Variants in PALM2AKAP2 observed in about 807,000 individuals in gnomAD.
The protein encoded by PALM2AKAP2 is PALM2 and AKAP2 fusion, also known as PALM2-AKAP2 fusion protein.
A neutral mutation model predicts 71.5 loss-of-function variants in PALM2AKAP2; 37 were observed. That is an observed-to-expected ratio of 0.52 (90% CI 0.40 to 0.68). The LOEUF is 0.68. Among genes scored for constraint, PALM2AKAP2 ranks in the 30% least tolerant of loss-of-function variants. The probability of loss-of-function intolerance (pLI) is 0.00; values close to 1 mark genes in which losing one functional copy is unlikely to be tolerated. For synonymous variants in PALM2AKAP2, 468 were observed against 478.8 expected, an observed-to-expected ratio of 0.98 and a Z score of 0.29; for missense variants, 1,224 against 1,191.8, an observed-to-expected ratio of 1.03 and a Z score of -0.40.
At chr9:109,819,152 A>C (rs1206143355) in intron 1 of PALM2AKAP2, among the ~76,000 whole-genome samples, 1 of 152,242 alleles carries the variant, frequency 6.6e-6, no homozygotes, top group Non-Finnish European at 1.5e-5. Flanking sequence ...TCTTATAAGA[A>C]AAATTATTTT....
At chr9:109,745,310 C>T (rs768945852) in intron 1 of PALM2AKAP2, among the ~76,000 whole-genome samples, 5 of 152,068 alleles carry the variant, frequency 3.3e-5, no homozygotes, top group Non-Finnish European at 7.4e-5. Context: ...TGAGGTCGTG[C>T]CACTGCACTC....
chr9:109,984,050 T>TA (rs1440314885), intron 6 of PALM2AKAP2, among the ~76,000 whole-genome samples: 1 of 152,192 alleles, frequency 6.6e-6, no homozygotes, highest in African/African-American at 2.4e-5. Flanking sequence ...GATGAGATGC[T>TA]AAAAACTTAC....
chr9:110,146,139 C>T (rs189741143), intron 2 of PALM2AKAP2, among the ~76,000 whole-genome samples: 5 of 152,076 alleles, frequency 3.3e-5, no homozygotes, highest in African/African-American at 9.6e-5. Context: ...ACCTTGTTAT[C>T]CACCTGCCTC....
intron 6 of PALM2AKAP2, among the ~76,000 whole-genome samples, chr9:109,936,070 G>A (rs972484050): frequency 6.6e-6 from 1 of 151,746 alleles, no homozygotes; most frequent in African/African-American, 2.4e-5. Flanking sequence ...TTTGATCACT[G>A]TTTTTTTTGG....
chr9:109,691,207 GCACA>G (rs1827879838), intron 1 of PALM2AKAP2, among the ~76,000 whole-genome samples: 2 of 91,546 alleles, frequency 2.2e-5, no homozygotes, highest in African/African-American at 8.4e-5. Context: ...ACACACACAT[GCACA>G]CACAGCTTCA....
intron 4 of PALM2AKAP2, among the ~76,000 whole-genome samples, chr9:109,924,115 A>G (rs1830898105): frequency 6.6e-6 from 1 of 152,210 alleles, no homozygotes; most frequent in East Asian, 1.9e-4. Context: ...CGGATCCCTG[A>G]TATGCCTTGT....
At chr9:110,012,558 C>T (rs1832903847) in intron 6 of PALM2AKAP2, among the ~76,000 whole-genome samples, 3 of 151,794 alleles carry the variant, frequency 2.0e-5, no homozygotes, top group Admixed American at 1.3e-4. Flanking sequence ...TTCTTACAAA[C>T]TTATCATCAG....
At chr9:109,860,763 C>T (rs554927536) in intron 1 of PALM2AKAP2, among the ~76,000 whole-genome samples, 11 of 152,240 alleles carry the variant, frequency 7.2e-5, no homozygotes, top group Non-Finnish European at 1.6e-4. Flanking sequence ...ATTCCCTTTC[C>T]AAGTGCAACT....
At position 109,869,651 on chromosome 9, in the gene PALM2AKAP2, T is replaced by TTCCATCCATCCATCCATCCATCCATCCA. The variant is rs59271161; in HGVS notation, c.126+2104_126+2105insTCCATCCATCCATCCATCCATCCATCCA. Among the ~76,000 whole-genome samples the TTCCATCCATCCATCCATCCATCCATCCA allele has an allele frequency of 3.3e-3, 489 of 150,088 alleles. 1 individual carries two copies. Among genetic ancestry groups the TTCCATCCATCCATCCATCCATCCATCCA allele is most frequent in the Middle Eastern group, 0.01 (3 of 294 alleles). ...CGTCTATGCATCCATTCATCCATCT[T>TTCCATCCATCCATCCATCCATCCATCCA]TCCATCCATCCATCCATCCATCCAA... On this transcript the variant is annotated intron_variant, in intron 2 of 9. Transcript: ENST00000302798.
intron 1 of PALM2AKAP2, among the ~76,000 whole-genome samples, chr9:109,827,829 T>C (rs1828194544): frequency 2.0e-5 from 3 of 152,160 alleles, no homozygotes; most frequent in African/African-American, 7.2e-5. Flanking sequence ...ACCCTAACTA[T>C]ATTTGCAGCT....
At chr9:109,772,382 C>G (rs888151073) in intron 1 of PALM2AKAP2, among the ~76,000 whole-genome samples, 3 of 152,154 alleles carry the variant, frequency 2.0e-5, no homozygotes, top group African/African-American at 7.2e-5. Context: ...TATGCCTTCT[C>G]TAGTGGGATA....
intron 1 of PALM2AKAP2, chr9:110,090,153 C>G (rs761774677): frequency 3.2e-6 from 1 of 311,572 alleles, no homozygotes; most frequent in Non-Finnish European, 6.5e-6. Flanking sequence ...GAAGTCGGGC[C>G]GGTTCACATT....
chr9:110,017,372 A>G (rs7034494), intron 7 of PALM2AKAP2, among the ~76,000 whole-genome samples: 6,365 of 152,342 alleles, frequency 0.042, 461 homozygotes, highest in African/African-American at 0.15. Context: ...AAGTCAACTA[A>G]TCTAAGTGGT....
intron 1 of PALM2AKAP2, among the ~76,000 whole-genome samples, chr9:110,062,399 C>A (rs756716242): frequency 1.3e-5 from 2 of 152,212 alleles, no homozygotes; most frequent in African/African-American, 2.4e-5. Flanking sequence ...GAGCTCCATT[C>A]ATGTCTCTGC....
At chr9:109,884,251 C>T (rs111593348) in intron 3 of PALM2AKAP2, among the ~76,000 whole-genome samples, 15,038 of 152,176 alleles carry the variant, frequency 0.099, 1,246 homozygotes, top group African/African-American at 0.22. Context: ...CACCCGAGGT[C>T]AGGAGTTCAA....
At chr9:109,666,392 T>C (rs1448668103) in intron 1 of PALM2AKAP2, among the ~76,000 whole-genome samples, 1 of 152,238 alleles carries the variant, frequency 6.6e-6, no homozygotes, top group African/African-American at 2.4e-5. Flanking sequence ...AATCTCAATT[T>C]GGAAAAACAA....
At chr9:109,785,087 A>G (rs759154042) in intron 1 of PALM2AKAP2, among the ~76,000 whole-genome samples, 5 of 152,216 alleles carry the variant, frequency 3.3e-5, no homozygotes, top group Non-Finnish European at 7.3e-5. Flanking sequence ...ATGAGTGAAA[A>G]TAAGTAAATG....
At chr9:110,162,249 C>T in intron 3 of PALM2AKAP2, 117 bp downstream of exon 10, 2 of 1,475,014 alleles carry the variant, frequency 1.4e-6, no homozygotes, top group Non-Finnish European at 1.9e-6. Flanking sequence ...GACTTGTCTC[C>T]ATATGTATTT....
chr9:109,821,116 C>A (rs1380153207), intron 1 of PALM2AKAP2, among the ~76,000 whole-genome samples: 1 of 152,186 alleles, frequency 6.6e-6, no homozygotes, highest in East Asian at 1.9e-4. Flanking sequence ...CCATTCCCAA[C>A]TTCTATCACT....
Sources: gnomAD v4.1 joint callset for allele counts (sites outside exome capture counted in the v4.1 genomes callset) on GRCh38, gnomAD v4.1.1 for gene constraint, MANE v1.5 for transcripts, NCBI Gene and HGNC (gene_info 2026-07-23, HGNC 2026-07-21) for gene names.